The following STAG3 variants were observed in gnomAD, a reference collection of about 807,000 sequenced individuals.
The protein encoded by STAG3 is cohesin subunit SA-3.
A neutral mutation model predicts 160.7 loss-of-function variants in STAG3; 101 were observed. The ratio of observed to expected loss-of-function variants is 0.63; its 90% CI spans 0.54 to 0.74. The LOEUF is 0.74. Among genes scored for constraint, STAG3 ranks in the 30% least tolerant of loss-of-function variants. STAG3 has a pLI of 0.00. For missense variants in STAG3, 1,188 were observed against 1,517.4 expected (o/e 0.78, Z 3.61); for synonymous variants, 519 against 585.0 (o/e 0.89, Z 1.63).
Position 100,211,511 on chromosome 7 carries a change from G to T in STAG3, c.3490G>T (p.Gly1164Cys), listed in dbSNP as rs1047427023. The change falls in exon 31 of 34, where the codon GGT becomes TGT. Residue 1164 changes from glycine (G) to cysteine (C), a missense_variant. By Grantham distance (159) the Gly-to-Cys change is radical. This residue lies in a region of STAG3 where 647 missense variants were observed against 717.2 expected (regional missense o/e 0.90). Transcript: ENST00000615138. Reference sequence around the variant, plus strand: ...TTTCCAGACTCCACACAACCCTTCAGGTCCTGGCCTGGGCAACCAGCTGAT... The same window carrying T: ...TTTCCAGACTCCACACAACCCTTCATGTCCTGGCCTGGGCAACCAGCTGAT... ...QYFQTPHNPS[G>C]PGLGNQLMRL... 1.2e-6 allele frequency: 2 copies of T among 1,613,600 alleles called. No homozygotes were observed. Among genetic ancestry groups the T allele is most frequent in the African/African-American group, 2.7e-5 (2 of 74,882 alleles).
chr7:100,206,321 A>G (rs1801650091), intron 29 of STAG3, among the ~76,000 whole-genome samples: 1 of 151,828 alleles, frequency 6.6e-6, no homozygotes. Context: ...TGGCTGCCTA[A>G]GGTTTTTTCT....
intron 32 of STAG3, chr7:100,213,285 T>G (rs1802434109): frequency 1.0e-6 from 1 of 982,556 alleles, no homozygotes; most frequent in African/African-American, 1.7e-5. Context: ...TATGTGGGTT[T>G]AGGGGGACAC....
At chr7:100,181,815 C>T (rs556859807) in intron 2 of STAG3, among the ~76,000 whole-genome samples, 1 of 150,296 alleles carries the variant, frequency 6.7e-6, no homozygotes, top group Non-Finnish European at 1.5e-5. Context: ...GTAGGAGAAT[C>T]GCTTGAACCT....
At position 100,205,096 on chromosome 7, in the gene STAG3, T is replaced by G; in HGVS notation, c.3043T>G (p.Phe1015Val). 1 of 1,614,092 alleles carries G rather than the reference T, an allele frequency of 6.2e-7. No homozygotes were observed. Among genetic ancestry groups the G allele is most frequent in the South Asian group, 1.1e-5 (1 of 91,076 alleles). The change falls in exon 28 of 34, where the codon TTT becomes GTT. Residue 1015 changes from phenylalanine (F) to valine (V), a missense_variant. By Grantham distance (50) the Phe-to-Val change is conservative (BLOSUM62 -1). Around this residue, in one of 4 missense-constraint regions of STAG3, gnomAD observed 647 missense variants for 717.2 expected, o/e 0.90. Transcript: ENST00000615138. ...NLAFLELLSE[F>V]SPRLFHQDKQ... ...GGCATTCCTGGAGCTCCTTTCAGAG[T>G]TTTCCCCCCGACTCTTCCATCAGGA...
chr7:100,204,871 C>G (rs1801488160), intron 27 of STAG3, 96 bp downstream of exon 27: 1 of 1,581,218 alleles, frequency 6.3e-7, no homozygotes, highest in African/African-American at 1.4e-5. Flanking sequence ...CAAGGCATAG[C>G]AGTCAGGTTA....
At position 100,213,768 on chromosome 7, in the gene STAG3, G is replaced by A. The variant is rs771081042; in HGVS notation, c.3634G>A (p.Gly1212Arg). 22 of 1,614,086 alleles carry A rather than the reference G, an allele frequency of 1.4e-5. No individual in the cohort carries two copies. Among genetic ancestry groups the A allele is most frequent in the South Asian group, 3.3e-5 (3 of 91,094 alleles). Residue 1212 changes from glycine (G) to arginine (R), a missense_variant, in exon 33 of 34, where the codon GGG becomes AGG. Coordinates refer to ENST00000615138, the MANE Select transcript of STAG3 (RefSeq NM_001282717.2). ...TAGCTACTCTTCCACCAGTGAGCGC[G>A]GGCTGGACCTCTTAGATTCTACAGA... ...ASSYSSTSERGLDLLDSTELD... is the reference protein window; with the variant it reads ...ASSYSSTSERRLDLLDSTELD...
intron 8 of STAG3, among the ~76,000 whole-genome samples, chr7:100,193,883 C>T (rs1486873382): frequency 6.6e-6 from 1 of 150,590 alleles, no homozygotes; most frequent in Non-Finnish European, 1.5e-5. Context: ...CTGTTTGGCA[C>T]AAGAGGCCTA....
intron 8 of STAG3, among the ~76,000 whole-genome samples, chr7:100,190,729 T>C (rs1221378089): frequency 6.6e-6 from 1 of 152,198 alleles, no homozygotes; most frequent in Non-Finnish European, 1.5e-5. Flanking sequence ...CCATCCTTCC[T>C]TTTAGGATAG....
rs201353654 is a variant in STAG3, at chr7:100,198,106, T to G, written c.1184T>G (p.Val395Gly). ...SRFKDRMVSMVMDREYDVAVE... is the reference protein window; with the variant it reads ...SRFKDRMVSMGMDREYDVAVE... The stretch of plus-strand genomic sequence containing the variant: ...CTGCAGGACCGGATGGTTTCCATGG[T>G]CATGGACAGAGAGTATGATGTGGCA... The change falls in exon 12 of 34, where the codon GTC becomes GGC. Residue 395 changes from valine to glycine, a missense_variant. Val to Gly is a moderately radical substitution (Grantham distance 109). This residue lies in a region of STAG3 where 240 missense variants were observed against 358.1 expected (regional missense o/e 0.67). Coordinates refer to ENST00000615138, the MANE Select transcript of STAG3 (RefSeq NM_001282717.2). 4.0e-5 allele frequency: 64 copies of G among 1,613,856 alleles called. No homozygotes were observed. The highest frequency in any genetic ancestry group is 3.8e-5 in the Non-Finnish European group (45 of 1,179,874).
chr7:100,206,495 G>A (rs1021999126), intron 29 of STAG3, among the ~76,000 whole-genome samples: 3 of 150,512 alleles, frequency 2.0e-5, no homozygotes, highest in Admixed American at 1.3e-4. Flanking sequence ...TTTTTGAGAC[G>A]GAATCTCGCT....
chr7:100,200,081 AAG>A (rs1800993437), intron 16 of STAG3, 153 bp from the exon 17 acceptor site: 2 of 577,510 alleles, frequency 3.5e-6, no homozygotes, highest in South Asian at 2.5e-5. Context: ...AAAAAAAAAA[AAG>A]GAGTTTCATT....
chr7:100,180,893 T>TC (rs1799607012), intron 2 of STAG3: 1 of 384,320 alleles, frequency 2.6e-6, no homozygotes, highest in Admixed American at 4.3e-5. Flanking sequence ...TTTTTTTTTT[T>TC]TTTTGAGACG....
At chr7:100,194,606 AG>A (rs768433764) in intron 8 of STAG3, among the ~76,000 whole-genome samples, 12 of 152,050 alleles carry the variant, frequency 7.9e-5, no homozygotes, top group Non-Finnish European at 4.4e-5. Context: ...GGGCAAACAT[AG>A]GGAGAGCCCG....
In STAG3 at chr7:100,213,772, T is replaced by A; in HGVS notation, c.3638T>A (p.Leu1213Gln). Residue 1213 changes from leucine (L) to glutamine (Q), a missense_variant, in exon 33 of 34, where the codon CTG becomes CAG. Leu to Gln is a moderately radical substitution (Grantham distance 113). Around this residue, in one of 4 missense-constraint regions of STAG3, gnomAD observed 647 missense variants for 717.2 expected, o/e 0.90. Coordinates refer to ENST00000615138, the MANE Select transcript of STAG3 (RefSeq NM_001282717.2). Reference protein sequence around the residue: ...SSYSSTSERGLDLLDSTELDI... With the variant: ...SSYSSTSERGQDLLDSTELDI... ...TACTCTTCCACCAGTGAGCGCGGGCTGGACCTCTTAGATTCTACAGAGCTG... is the reference window on the plus strand; with the variant it reads ...TACTCTTCCACCAGTGAGCGCGGGCAGGACCTCTTAGATTCTACAGAGCTG... The A allele has an allele frequency of 1.2e-6, 2 of 1,614,262 alleles. No individual in the cohort carries two copies. Among genetic ancestry groups the A allele is most frequent in the Non-Finnish European group, 1.7e-6 (2 of 1,180,042 alleles).
chr7:100,216,289 G>A (rs1636978), downstream of STAG3, among the ~76,000 whole-genome samples: 113,917 of 152,054 alleles, frequency 0.75, 43,845 homozygotes, highest in African/African-American at 0.88. Context: ...TTGGACATTT[G>A]TATCAGTTTT....
chr7:100,208,833 C>T (rs933776743), intron 29 of STAG3, among the ~76,000 whole-genome samples: 18 of 151,878 alleles, frequency 1.2e-4, no homozygotes, highest in Non-Finnish European at 2.2e-4. Context: ...GGAATGCTGG[C>T]GGGGTGGGGA....
At chr7:100,192,484 A>C (rs1800401327) in intron 8 of STAG3, among the ~76,000 whole-genome samples, 1 of 152,222 alleles carries the variant, frequency 6.6e-6, no homozygotes, top group South Asian at 2.1e-4. Context: ...AGATTGCGCC[A>C]CCACACTCTA....
intron 16 of STAG3, 24 bp from the exon 17 acceptor site, chr7:100,200,212 A>C: frequency 6.3e-7 from 1 of 1,585,030 alleles, no homozygotes; most frequent in Non-Finnish European, 8.6e-7. Flanking sequence ...CACCTCCCCC[A>C]CCCCCAAGTG....
At chr7:100,184,528 C>T (rs1181517692) in intron 4 of STAG3, among the ~76,000 whole-genome samples, 1 of 127,894 alleles carries the variant, frequency 7.8e-6, no homozygotes, top group African/African-American at 3.0e-5. Flanking sequence ...AGTGCAGTGA[C>T]GTGATCTTGG....
Sources: allele counts gnomAD v4.1 joint callset (sites outside exome capture counted in the v4.1 genomes callset), GRCh38; gene constraint gnomAD v4.1.1; regional missense constraint gnomAD v4.1.1; transcripts MANE v1.5; gene names NCBI Gene and HGNC (gene_info 2026-07-23, HGNC 2026-07-21).